The following DPF3 variants were observed in gnomAD, a reference collection of about 807,000 sequenced individuals.
The protein encoded by DPF3 is zinc finger protein DPF3.
DPF3 carries 18 observed loss-of-function variants against 56.8 expected under a neutral mutation model. The observed-to-expected ratio is 0.32, with a 90% CI of 0.22 to 0.47. The LOEUF (loss-of-function observed/expected upper bound fraction) is 0.47. Ranked by LOEUF, DPF3 falls within the 20% of genes least tolerant of loss-of-function variation. DPF3 has a pLI of 1.00. For missense variants in DPF3, 403 were observed against 488.8 expected (o/e 0.82, Z 1.65); for synonymous variants, 188 against 180.2 (o/e 1.04, Z -0.35).
intron 6 of DPF3, among the ~76,000 whole-genome samples, chr14:72,706,400 T>A (rs1888404657): frequency 6.6e-6 from 1 of 152,156 alleles, no homozygotes; most frequent in Non-Finnish European, 1.5e-5. Flanking sequence ...CTGCACAATA[T>A]CAGCCTTTCT....
intron 1 of DPF3, among the ~76,000 whole-genome samples, chr14:72,788,140 G>T (rs1485758307): frequency 6.6e-6 from 1 of 152,168 alleles, no homozygotes; most frequent in East Asian, 1.9e-4. Context: ...CTTGGTAAGT[G>T]TTCATTCTGG....
chr14:72,739,366 TA>T (rs1366559560), intron 3 of DPF3, among the ~76,000 whole-genome samples: 1 of 152,182 alleles, frequency 6.6e-6, no homozygotes, highest in African/African-American at 2.4e-5. Context: ...TCCTTATCTG[TA>T]AACCTGGGAG....
intron 4 of DPF3, among the ~76,000 whole-genome samples, chr14:72,724,826 A>ACCCT (rs1379123370): frequency 6.6e-6 from 1 of 151,540 alleles, no homozygotes; most frequent in Non-Finnish European, 1.5e-5. Flanking sequence ...CTCCCACCTC[A>ACCCT]GCCTGCCAAG....
rs1462737023 is a variant in DPF3, at chr14:72,756,930, G to GA, written c.194-3560dup. Among the ~76,000 whole-genome samples, 62 of 144,840 alleles carry GA rather than the reference G, an allele frequency of 4.3e-4. 1 individual carries two copies. The South Asian group carries it at 5.3e-3, about 12-fold the overall frequency. ...AAAAAGAAAGAAAGAAAGAAAGAAA[G>GA]AAGAGAAGAGAAGAGAAAGGGAGAG... On this transcript the variant is annotated intron_variant, in intron 2 of 10. Transcript: ENST00000556509.
chr14:72,742,347 T>G (rs554787648), intron 3 of DPF3: 16 of 152,210 alleles, frequency 1.1e-4, no homozygotes, highest in African/African-American at 2.9e-4. Flanking sequence ...CACTGACAGA[T>G]GGGGGTGGGA....
Position 72,786,529 on chromosome 14 carries a change from C to T in DPF3, c.33-14636G>A, listed in dbSNP as rs116431052. Reference sequence around the variant, plus strand: ...AGCTTTTGTGCTGAAATGACAGAGTCGAGTAGTTCCAACAGAGACCATGTG... The same window carrying T: ...AGCTTTTGTGCTGAAATGACAGAGTTGAGTAGTTCCAACAGAGACCATGTG... On this transcript the variant is annotated intron_variant, in intron 1 of 10. Coordinates refer to ENST00000556509, the MANE Select transcript of DPF3 (RefSeq NM_001280542.3). 4.4e-3 allele frequency among the ~76,000 whole-genome samples: 667 copies of T among 152,284 alleles called. 8 individuals carry two copies. The highest frequency in any genetic ancestry group is 0.015 in the African/African-American group (644 of 41,554).
At chr14:72,674,439 C>G in intron 7 of DPF3, 71 bp from the exon 8 acceptor site, 1 of 1,551,482 alleles carries the variant, frequency 6.4e-7, no homozygotes, top group Non-Finnish European at 8.7e-7. Context: ...TCTCCTCCTA[C>G]AGTGTGGTAG....
At chr14:72,661,556 C>T (rs189297805) in intron 8 of DPF3, 1 of 985,542 alleles carries the variant, frequency 1.0e-6, no homozygotes, top group Non-Finnish European at 1.2e-6. Context: ...GCCAGTCAGC[C>T]CTGCACCTTT....
chr14:72,623,684 T>C (rs1401465855), intron 9 of DPF3, among the ~76,000 whole-genome samples: 1 of 152,236 alleles, frequency 6.6e-6, no homozygotes, highest in Non-Finnish European at 1.5e-5. Flanking sequence ...GTTCTAAGTA[T>C]GAACTGGATG....
At chr14:72,891,935 G>A (rs1013551426) in intron 1 of DPF3, among the ~76,000 whole-genome samples, 15 of 152,198 alleles carry the variant, frequency 9.9e-5, no homozygotes, top group Admixed American at 9.2e-4. Context: ...TCCACTAACC[G>A]GCCAGAATTC....
At chr14:72,831,636 G>A (rs1884063987) in intron 1 of DPF3, among the ~76,000 whole-genome samples, 1 of 152,180 alleles carries the variant, frequency 6.6e-6, no homozygotes, top group Admixed American at 6.5e-5. Context: ...GTATGCTCCC[G>A]TCAGTAGCAG....
intron 1 of DPF3, among the ~76,000 whole-genome samples, chr14:72,798,441 T>C (rs899709159): frequency 1.3e-5 from 2 of 152,100 alleles, no homozygotes; most frequent in African/African-American, 4.8e-5. Flanking sequence ...TACATACATG[T>C]ATGAAACCAA....
At chr14:72,845,225 A>C (rs1884700597) in intron 1 of DPF3, among the ~76,000 whole-genome samples, 1 of 112,550 alleles carries the variant, frequency 8.9e-6, no homozygotes, top group South Asian at 2.8e-4. Context: ...TAGTAAGGAA[A>C]GAACAGTGAA....
chr14:72,655,105 C>G (rs1490530739), intron 8 of DPF3, among the ~76,000 whole-genome samples: 1 of 152,174 alleles, frequency 6.6e-6, no homozygotes, highest in African/African-American at 2.4e-5. Context: ...TCCCCAAACT[C>G]CATAATATGT....
At chr14:72,840,786 A>T (rs965504196) in intron 1 of DPF3, among the ~76,000 whole-genome samples, 1 of 152,234 alleles carries the variant, frequency 6.6e-6, no homozygotes, top group African/African-American at 2.4e-5. Context: ...ATTCCTTGAC[A>T]GTATGTCCTA....
At chr14:72,742,103 C>A (rs1035791603) in intron 3 of DPF3, among the ~76,000 whole-genome samples, 3 of 152,240 alleles carry the variant, frequency 2.0e-5, no homozygotes, top group African/African-American at 4.8e-5. Context: ...CACGTAATAG[C>A]CACAGCCTGA....
intron 8 of DPF3, among the ~76,000 whole-genome samples, chr14:72,636,995 G>T (rs1430621992): frequency 1.3e-5 from 2 of 152,212 alleles, no homozygotes; most frequent in African/African-American, 2.4e-5. Flanking sequence ...TTAGAGGTTT[G>T]TTTATCCTCT....
intron 8 of DPF3, among the ~76,000 whole-genome samples, chr14:72,640,035 A>C (rs1356931115): frequency 7.8e-6 from 1 of 128,974 alleles, no homozygotes; most frequent in African/African-American, 3.1e-5. Context: ...GATAAATAGG[A>C]GTTTTCTAAG....
At chr14:72,850,425 G>A (rs967686909) in intron 1 of DPF3, among the ~76,000 whole-genome samples, 11 of 152,288 alleles carry the variant, frequency 7.2e-5, no homozygotes, top group Non-Finnish European at 1.3e-4. Context: ...TTTTGCCGAT[G>A]AGCAAACTGA....
Sources: gnomAD v4.1 joint callset for allele counts (sites outside exome capture counted in the v4.1 genomes callset) on GRCh38, gnomAD v4.1.1 for gene constraint, MANE v1.5 for transcripts, NCBI Gene and HGNC (gene_info 2026-07-23, HGNC 2026-07-21) for gene names.